Variants in NCOA2 observed in about 807,000 individuals in gnomAD.
NCOA2 encodes nuclear receptor coactivator 2.
NCOA2 carries 21 observed loss-of-function variants against 145.1 expected under a neutral mutation model. The ratio of observed to expected loss-of-function variants is 0.14; its 90% CI spans 0.10 to 0.21. The LOEUF is 0.21. Ranked by LOEUF, NCOA2 falls within the 10% of genes least tolerant of loss-of-function variation. NCOA2 has a pLI of 1.00. For missense variants in NCOA2, 1,472 were observed against 1,837.6 expected (o/e 0.80, Z 3.64); for synonymous variants, 619 against 637.5 (o/e 0.97, Z 0.44).
At chr8:70,355,544 A>C (rs1340652479) in intron 1 of NCOA2, among the ~76,000 whole-genome samples, 1 of 152,146 alleles carries the variant, frequency 6.6e-6, no homozygotes, top group Non-Finnish European at 1.5e-5. Flanking sequence ...ACAAACTCAT[A>C]AACTTTTTTC....
At chr8:70,427,744 G>A in the NCOA2 span, among the ~76,000 whole-genome samples, 1 of 152,196 alleles carries the variant, frequency 6.6e-6, no homozygotes. Context: ...GGCCGTAGGA[G>A]GAAGATGCCA....
intron 2 of NCOA2, among the ~76,000 whole-genome samples, chr8:70,245,918 C>T (rs1822577197): frequency 6.6e-6 from 1 of 152,038 alleles, no homozygotes; most frequent in African/African-American, 2.4e-5. Flanking sequence ...AGAATTAATT[C>T]CCTGTATTAG....
At chr8:70,145,160 CTCTT>C (rs200062820) in intron 12 of NCOA2, among the ~76,000 whole-genome samples, 3,786 of 152,160 alleles carry the variant, frequency 0.025, 159 homozygotes, top group African/African-American at 0.086. Context: ...TTCTCTCTCT[CTCTT>C]TTTTTATTCT....
chr8:70,438,094 C>T, the NCOA2 span, among the ~76,000 whole-genome samples: 1 of 152,186 alleles, frequency 6.6e-6, no homozygotes, highest in Non-Finnish European at 1.5e-5. Flanking sequence ...CATACTCCTT[C>T]AATGGCCTAA....
At chr8:70,399,794 T>A (rs191232107) in intron 1 of NCOA2, among the ~76,000 whole-genome samples, 1 of 152,258 alleles carries the variant, frequency 6.6e-6, no homozygotes, top group Non-Finnish European at 1.5e-5. Context: ...TATTTTCCTT[T>A]ACTATCCAAT....
intron 4 of NCOA2, among the ~76,000 whole-genome samples, chr8:70,192,127 A>G (rs1816760039): frequency 6.6e-6 from 1 of 152,244 alleles, no homozygotes; most frequent in Admixed American, 6.5e-5. Context: ...ATGTATTTCA[A>G]AGAATACATT....
chr8:70,118,313 G>C (rs929079416), intron 22 of NCOA2, among the ~76,000 whole-genome samples: 19 of 152,148 alleles, frequency 1.2e-4, no homozygotes, highest in Admixed American at 2.0e-4. Flanking sequence ...TAACATCACT[G>C]TTCTTCTGGG....
chr8:70,326,020 C>G (rs1367182449), intron 1 of NCOA2, among the ~76,000 whole-genome samples: 1 of 152,184 alleles, frequency 6.6e-6, no homozygotes, highest in African/African-American at 2.4e-5. Flanking sequence ...CTCACCTCTT[C>G]ACAACTGGCA....
the NCOA2 span, among the ~76,000 whole-genome samples, chr8:70,437,271 A>T: frequency 4.4e-3 from 676 of 152,304 alleles, 4 homozygotes; most frequent in Middle Eastern, 0.017. Flanking sequence ...ATCCTCTCAC[A>T]CAGGCTCTCA....
At chr8:70,237,088 T>A (rs1821685182) in intron 2 of NCOA2, among the ~76,000 whole-genome samples, 1 of 152,258 alleles carries the variant, frequency 6.6e-6, no homozygotes, top group Non-Finnish European at 1.5e-5. Flanking sequence ...TAAATTGCTT[T>A]ACAAACTGCT....
At chr8:70,230,278 C>T (rs997073712) in intron 2 of NCOA2, among the ~76,000 whole-genome samples, 1 of 152,152 alleles carries the variant, frequency 6.6e-6, no homozygotes, top group South Asian at 2.1e-4. Context: ...TAAGCAGATC[C>T]GTAGAAACAG....
At chr8:70,150,923 G>C (rs1452014459) in intron 11 of NCOA2, among the ~76,000 whole-genome samples, 1 of 152,016 alleles carries the variant, frequency 6.6e-6, no homozygotes, top group Admixed American at 6.6e-5. Flanking sequence ...AAAATGTGTG[G>C]TAAATTTCCT....
At chr8:70,180,098 T>C (rs1369982083) in intron 4 of NCOA2, among the ~76,000 whole-genome samples, 1 of 152,198 alleles carries the variant, frequency 6.6e-6, no homozygotes, top group Non-Finnish European at 1.5e-5. Flanking sequence ...TTTTTCTTTT[T>C]AGATAAAGAC....
chr8:70,282,891 A>C (rs1457813117), intron 2 of NCOA2, among the ~76,000 whole-genome samples: 1 of 152,138 alleles, frequency 6.6e-6, no homozygotes. Flanking sequence ...CAGTGTCCCC[A>C]TTTTCTAAAA....
chr8:70,365,310 C>A (rs781413938), intron 1 of NCOA2, among the ~76,000 whole-genome samples: 1 of 151,906 alleles, frequency 6.6e-6, no homozygotes, highest in Non-Finnish European at 1.5e-5. Context: ...CCAGCCTAGG[C>A]GACAGAGCGA....
At chr8:70,306,111 C>G (rs1048463605) in intron 1 of NCOA2, among the ~76,000 whole-genome samples, 4 of 152,104 alleles carry the variant, frequency 2.6e-5, no homozygotes, top group African/African-American at 9.7e-5. Flanking sequence ...CTAACAAAAA[C>G]ATTGAGGAAT....
At chr8:70,430,466 T>C in the NCOA2 span, among the ~76,000 whole-genome samples, 1 of 152,188 alleles carries the variant, frequency 6.6e-6, no homozygotes, top group Non-Finnish European at 1.5e-5. Context: ...AATTTTGACA[T>C]ATGTATATAT....
At chr8:70,193,364 G>A (rs1816901177) in intron 4 of NCOA2, among the ~76,000 whole-genome samples, 1 of 151,930 alleles carries the variant, frequency 6.6e-6, no homozygotes, top group Non-Finnish European at 1.5e-5. Context: ...CTCAGAAAAA[G>A]AAAAGGTTTA....
chr8:70,309,171 T>A (rs1350211909), intron 1 of NCOA2, among the ~76,000 whole-genome samples: 1 of 152,166 alleles, frequency 6.6e-6, no homozygotes, highest in African/African-American at 2.4e-5. Context: ...AGGCCCCATC[T>A]ATTATAGCCC....
Sources: allele counts gnomAD v4.1 joint callset (sites outside exome capture counted in the v4.1 genomes callset), GRCh38; gene constraint gnomAD v4.1.1; transcripts MANE v1.5; gene names NCBI Gene and HGNC (gene_info 2026-07-23, HGNC 2026-07-21).